TRAPPC3: variants seen among roughly 807,000 people sequenced by gnomAD.
TRAPPC3 encodes trafficking protein particle complex subunit 3.
A neutral mutation model predicts 18.2 loss-of-function variants in TRAPPC3; 5 were observed. The observed-to-expected ratio is 0.28, with a 90% CI of 0.14 to 0.58. The LOEUF is 0.58. Ranked by LOEUF, TRAPPC3 falls within the 20% of genes least tolerant of loss-of-function variation. The pLI is 0.91. For missense variants in TRAPPC3, 176 were observed against 225.9 expected, an observed-to-expected ratio of 0.78 and a Z score of 1.41; for synonymous variants, 65 against 84.2, an observed-to-expected ratio of 0.77 and a Z score of 1.25.
At chr1:36,155,010 A>G (rs748845859) in intron 1 of TRAPPC3, among the ~76,000 whole-genome samples, 6 of 152,076 alleles carry the variant, frequency 3.9e-5, no homozygotes, top group Non-Finnish European at 8.8e-5. Flanking sequence ...TTCCCACTCT[A>G]TCCCTCCAAA....
chr1:36,140,694 C>G (rs1644094072), intron 1 of TRAPPC3: 1 of 152,546 alleles, frequency 6.6e-6, no homozygotes, highest in Non-Finnish European at 1.5e-5. Context: ...AAGTCCCAGA[C>G]CAAGTTCATT....
chr1:36,144,748 G>GT (rs1189271635), intron 1 of TRAPPC3, among the ~76,000 whole-genome samples: 2 of 152,182 alleles, frequency 1.3e-5, no homozygotes, highest in Admixed American at 6.6e-5. Context: ...CTCAAAAAAA[G>GT]TAACAGTAAA....
At chr1:36,155,362 C>T (rs1401086954) in intron 1 of TRAPPC3, among the ~76,000 whole-genome samples, 1 of 152,100 alleles carries the variant, frequency 6.6e-6, no homozygotes, top group Non-Finnish European at 1.5e-5. Context: ...AGCAGGGCTA[C>T]TTTGGGGAGT....
chr1:36,151,864 C>T (rs1016566965), upstream of TRAPPC3, among the ~76,000 whole-genome samples: 1 of 152,198 alleles, frequency 6.6e-6, no homozygotes, highest in African/African-American at 2.4e-5. Context: ...TCTATTTAGT[C>T]CTGTATCTGA....
intron 1 of TRAPPC3, among the ~76,000 whole-genome samples, chr1:36,142,204 T>G (rs1345330826): frequency 3.3e-5 from 5 of 149,360 alleles, no homozygotes; most frequent in Non-Finnish European, 7.5e-5. Flanking sequence ...GGAGGCCCTT[T>G]GAACTCAAAT....
chr1:36,148,596 G>A (rs944859927), intron 1 of TRAPPC3, among the ~76,000 whole-genome samples: 1 of 147,510 alleles, frequency 6.8e-6, no homozygotes, highest in Admixed American at 6.8e-5. Flanking sequence ...GTCTGGGGGC[G>A]GGGGGAGGGA....
At position 36,137,634 on chromosome 1, in the gene TRAPPC3, A is replaced by G. The variant is rs886502704; in HGVS notation, c.423+162T>C. 10 of 775,030 alleles carry G rather than the reference A, an allele frequency of 1.3e-5. No homozygotes were observed. In the East Asian group the frequency reaches 2.7e-4, roughly 21 times the overall value. 48.0% of individuals were successfully genotyped at this position (775,030 alleles called of 1,614,324 possible). A position where few individuals can be genotyped will look rare whatever the true frequency, so the allele number is the denominator to read the frequency against. ...CTGGTATGGAGGAGTATCACCATGT[A>G]AAGATGTCCGACTTGGATCCTACCT... On this transcript the variant is annotated intron_variant, in intron 4 of 4. Transcript: ENST00000373166.
At chr1:36,138,728 T>C (rs1423585953) in intron 3 of TRAPPC3, among the ~76,000 whole-genome samples, 3 of 152,172 alleles carry the variant, frequency 2.0e-5, no homozygotes, top group Admixed American at 6.5e-5. Flanking sequence ...ATTTTCTTCA[T>C]GTTAAAGATG....
chr1:36,155,066 A>AG (rs923783601), intron 1 of TRAPPC3, among the ~76,000 whole-genome samples: 13 of 152,212 alleles, frequency 8.5e-5, no homozygotes, highest in Non-Finnish European at 1.5e-5. Context: ...ACTGGAGGGA[A>AG]GGGGGGCAAG....
chr1:36,149,607 C>A (rs1644252913), upstream of TRAPPC3: 1 of 604,224 alleles, frequency 1.7e-6, no homozygotes, highest in East Asian at 2.8e-5. Context: ...TTGGCAGCAC[C>A]GCCTCTTAAC....
chr1:36,149,173 CCT>C, intron 1 of TRAPPC3, 162 bp downstream of exon 1: 1 of 1,481,240 alleles, frequency 6.8e-7, no homozygotes, highest in East Asian at 2.5e-5. Flanking sequence ...CCGACGGTCC[CCT>C]CACCTGCCTG....
chr1:36,146,064 C>T (rs1171368307), intron 1 of TRAPPC3, among the ~76,000 whole-genome samples: 2 of 152,034 alleles, frequency 1.3e-5, no homozygotes, highest in Non-Finnish European at 2.9e-5. Context: ...AGGCGTGAGC[C>T]ACAGCACCCG....
intron 1 of TRAPPC3, among the ~76,000 whole-genome samples, chr1:36,145,166 C>T (rs112367355): frequency 1.3e-4 from 20 of 151,974 alleles, no homozygotes; most frequent in Admixed American, 5.2e-4. Flanking sequence ...GGACTACAGG[C>T]GCCCGCCACC....
In TRAPPC3 at chr1:36,137,285, G is replaced by A; in HGVS notation, c.461C>T (p.Thr154Ile). 1.9e-6 allele frequency: 3 copies of A among 1,613,204 alleles called. No individual in the cohort carries two copies. Among genetic ancestry groups the A allele is most frequent in the East Asian group, 2.2e-5 (1 of 44,848 alleles). ...MAVEAKFVQD[T>I]LKGDGVTEIR... ...TTCTGTCACACCGTCTCCTTTCAGG[G>A]TGTCCTGGACAAACTTGGCCTCCAC... Residue 154 changes from threonine to isoleucine, a missense_variant, in exon 5 of 5, where the codon ACC becomes ATC. By Grantham distance (89) the Thr-to-Ile change is moderately conservative. Coordinates refer to ENST00000373166, the MANE Select transcript of TRAPPC3 (RefSeq NM_014408.5).
chr1:36,149,631 A>G (rs1016508489), upstream of TRAPPC3: 2 of 528,284 alleles, frequency 3.8e-6, no homozygotes, highest in Non-Finnish European at 6.8e-6. Flanking sequence ...GTCAACTACA[A>G]CTCCCGGAGT....
intron 1 of TRAPPC3, among the ~76,000 whole-genome samples, chr1:36,141,264 G>A (rs1260686682): frequency 6.6e-6 from 1 of 152,210 alleles, no homozygotes; most frequent in East Asian, 1.9e-4. Context: ...CAGGGGGAAA[G>A]GCATTATCAG....
upstream of TRAPPC3, among the ~76,000 whole-genome samples, chr1:36,151,548 G>A (rs1265442650): frequency 6.6e-6 from 1 of 152,002 alleles, no homozygotes; most frequent in East Asian, 1.9e-4. Context: ...GAGGTGGAGG[G>A]TGCAGTGAGC....
At chr1:36,152,490 A>G (rs797017682), upstream of TRAPPC3, among the ~76,000 whole-genome samples, 17 of 151,104 alleles carry the variant, frequency 1.1e-4, no homozygotes, top group African/African-American at 4.1e-4. Flanking sequence ...TTGTATTTTT[A>G]GTAGAGACTG....
At chr1:36,148,682 C>G (rs577321264) in intron 1 of TRAPPC3, among the ~76,000 whole-genome samples, 1 of 152,244 alleles carries the variant, frequency 6.6e-6, no homozygotes, top group Non-Finnish European at 1.5e-5. Context: ...ATATGGTGTC[C>G]AAACTATTCC....
Sources: allele counts gnomAD v4.1 joint callset (sites outside exome capture counted in the v4.1 genomes callset), GRCh38; gene constraint gnomAD v4.1.1; transcripts MANE v1.5; gene names NCBI Gene and HGNC (gene_info 2026-07-23, HGNC 2026-07-21).